Variants in TRABD2B observed in about 807,000 individuals in gnomAD.
TRABD2B encodes the protein metalloprotease TIKI2.
In TRABD2B, 14 loss-of-function variants were observed where a neutral mutation model predicts 40.1. The ratio of observed to expected loss-of-function variants is 0.35; its 90% CI spans 0.23 to 0.55. The LOEUF (loss-of-function observed/expected upper bound fraction) is 0.55. Among genes scored for constraint, TRABD2B ranks in the 20% least tolerant of loss-of-function variants. TRABD2B has a pLI of 0.90. For missense variants in TRABD2B, 541 were observed against 648.6 expected, an observed-to-expected ratio of 0.83 and a Z score of 1.80; for synonymous variants, 263 against 277.0, an observed-to-expected ratio of 0.95 and a Z score of 0.50.
At chr1:47,956,292 G>C (rs931387649) in intron 2 of TRABD2B, among the ~76,000 whole-genome samples, 2 of 152,202 alleles carry the variant, frequency 1.3e-5, no homozygotes, top group Non-Finnish European at 2.9e-5. Flanking sequence ...CCCAGGGTGA[G>C]TGACGCAGAA....
chr1:47,777,346 G>A (rs1235157793), intron 5 of TRABD2B, among the ~76,000 whole-genome samples: 1 of 152,212 alleles, frequency 6.6e-6, no homozygotes, highest in Non-Finnish European at 1.5e-5. Context: ...GGCCCAAACG[G>A]TTCAGGTAGG....
chr1:47,869,114 C>T (rs1368222715), intron 2 of TRABD2B, among the ~76,000 whole-genome samples: 1 of 152,116 alleles, frequency 6.6e-6, no homozygotes, highest in Admixed American at 6.5e-5. Flanking sequence ...ATAAGAATTC[C>T]ATGTCATGGA....
intron 2 of TRABD2B, among the ~76,000 whole-genome samples, chr1:47,822,191 G>A (rs1645120769): frequency 6.6e-6 from 1 of 151,320 alleles, no homozygotes; most frequent in African/African-American, 2.4e-5. Context: ...CTCCTCCAGT[G>A]GAGATTCAGC....
chr1:47,951,862 G>T (rs527343757), intron 2 of TRABD2B, among the ~76,000 whole-genome samples: 1 of 152,124 alleles, frequency 6.6e-6, no homozygotes, highest in Admixed American at 6.5e-5. Context: ...GATGTGCCCC[G>T]CTCAATGTCA....
intron 2 of TRABD2B, among the ~76,000 whole-genome samples, chr1:47,980,093 T>C (rs1037376382): frequency 6.6e-6 from 1 of 152,214 alleles, no homozygotes; most frequent in Admixed American, 6.5e-5. Context: ...GCCTCCATCA[T>C]GTGACCCCTA....
At chr1:47,776,881 G>A (rs959685000) in intron 5 of TRABD2B, among the ~76,000 whole-genome samples, 3 of 152,190 alleles carry the variant, frequency 2.0e-5, no homozygotes, top group Admixed American at 6.5e-5. Flanking sequence ...TGGAGATGCC[G>A]CAGCTGCTGG....
At chr1:47,853,441 GTGGTGGTCACTGAACT>G (rs2124528772) in intron 2 of TRABD2B, among the ~76,000 whole-genome samples, 1 of 152,290 alleles carries the variant, frequency 6.6e-6, no homozygotes, top group South Asian at 2.1e-4. Flanking sequence ...TCTCCACAGG[GTGGTGGTCACTGAACT>G]TGGAGGCTGA....
chr1:47,982,088 A>G (rs926466657), intron 2 of TRABD2B, among the ~76,000 whole-genome samples: 1 of 152,180 alleles, frequency 6.6e-6, no homozygotes, highest in Non-Finnish European at 1.5e-5. Context: ...GTCAGACATT[A>G]CACACTGCAG....
intron 3 of TRABD2B, among the ~76,000 whole-genome samples, chr1:47,800,683 CA>C (rs1279327258): frequency 2.0e-5 from 3 of 152,330 alleles, no homozygotes; most frequent in East Asian, 1.9e-4. Context: ...AGAGGAGGCA[CA>C]AGGCCCTAGA....
At position 47,996,646 on chromosome 1, in the gene TRABD2B, A is replaced by AC. The variant is rs1646096515; in HGVS notation, c.102+41dup. The AC allele has an allele frequency of 1.1e-5, 13 of 1,224,220 alleles. No individual in the cohort carries two copies. The highest frequency in any genetic ancestry group is 1.2e-5 in the Non-Finnish European group (12 of 982,034). 75.8% of individuals were successfully genotyped at this position (1,224,220 alleles called of 1,614,324 possible). ...AACCATGGTCCCACGGGACTAGAAT[A>AC]CCCAGGCAGGCGGGAGAGTGGCCGG... is the stretch of plus-strand genomic sequence containing the variant. On this transcript the variant is annotated intron_variant, in intron 1 of 6. Coordinates refer to ENST00000606738, the MANE Select transcript of TRABD2B (RefSeq NM_001194986.2). This position sits in a 1 kb window ranked among gnomAD's most constrained non-coding sequence, Gnocchi z 4.6.
At chr1:47,859,891 G>A (rs1021389124) in intron 2 of TRABD2B, among the ~76,000 whole-genome samples, 2 of 152,154 alleles carry the variant, frequency 1.3e-5, no homozygotes, top group Non-Finnish European at 2.9e-5. Flanking sequence ...TCAGATTCAT[G>A]AGCTCACTTA....
chr1:47,804,178 C>T (rs1370581006), intron 2 of TRABD2B, among the ~76,000 whole-genome samples: 4 of 152,232 alleles, frequency 2.6e-5, no homozygotes, highest in East Asian at 1.9e-4. Flanking sequence ...CCCCACCACC[C>T]CCTACCCAAA....
intron 2 of TRABD2B, among the ~76,000 whole-genome samples, chr1:47,935,085 C>T (rs867387357): frequency 3.9e-5 from 6 of 152,180 alleles, no homozygotes; most frequent in East Asian, 1.9e-4. Context: ...GCCTCCCACC[C>T]GCAGGTAGAC....
intron 2 of TRABD2B, among the ~76,000 whole-genome samples, chr1:47,947,929 C>A (rs1256996548): frequency 1.3e-5 from 2 of 152,178 alleles, no homozygotes; most frequent in Non-Finnish European, 2.9e-5. Context: ...GATTCCTAGT[C>A]CAGTACTCCT....
In TRABD2B at chr1:47,996,811, C is replaced by A; in HGVS notation, c.-22G>T. ...GCATCCTGCCAGGGCCCGCGGGGCG[C>A]GGGGGACCCTCCTGGGCGGCGCCCC... is the stretch of plus-strand genomic sequence containing the variant. On this transcript the variant is annotated 5_prime_UTR_variant, in exon 1 of 7. Transcript: ENST00000606738. The surrounding 1 kb of genome is among the most constrained non-coding windows in gnomAD (Gnocchi z 4.6). The A allele has an allele frequency of 8.4e-7, 1 of 1,183,722 alleles. No homozygotes were observed. Among genetic ancestry groups the A allele is most frequent in the Non-Finnish European group, 1.0e-6 (1 of 956,960 alleles). 73.3% of individuals were successfully genotyped at this position (1,183,722 alleles called of 1,614,324 possible). A position where few individuals can be genotyped will look rare whatever the true frequency, so the allele number is the denominator to read the frequency against.
intron 2 of TRABD2B, among the ~76,000 whole-genome samples, chr1:47,865,829 C>T (rs1644048071): frequency 6.6e-6 from 1 of 152,044 alleles, no homozygotes; most frequent in South Asian, 2.1e-4. Flanking sequence ...CAGACACTTC[C>T]AGGAGGCAGA....
At chr1:47,781,805 G>A (rs1043149830) in intron 4 of TRABD2B, among the ~76,000 whole-genome samples, 7 of 152,074 alleles carry the variant, frequency 4.6e-5, no homozygotes, top group East Asian at 1.9e-4. Context: ...CTGCGCTCCC[G>A]AGCCCATGTT....
At chr1:47,977,089 G>A (rs775909560) in intron 2 of TRABD2B, among the ~76,000 whole-genome samples, 6 of 137,086 alleles carry the variant, frequency 4.4e-5, no homozygotes, top group African/African-American at 1.1e-4. Context: ...TTTTTTTCCC[G>A]CGAGACAGAG....
At position 47,997,349 on chromosome 1, in the gene TRABD2B, C is replaced by A. The variant is rs1390362057; in HGVS notation, c.-560G>T. 1 of 318,764 alleles carries A rather than the reference C, an allele frequency of 3.1e-6. No homozygotes were observed. Among genetic ancestry groups the A allele is most frequent in the African/African-American group, 2.4e-5 (1 of 42,364 alleles). 19.7% of individuals were successfully genotyped at this position (318,764 alleles called of 1,614,324 possible). A position where few individuals can be genotyped will look rare whatever the true frequency, so the allele number is the denominator to read the frequency against. ...GGCCGCGCGGCCGCTGCCCGGGCTC[C>A]GCCATGCTGCTCCGCGGCCGGGAGG... is the stretch of plus-strand genomic sequence containing the variant. On this transcript the variant is annotated 5_prime_UTR_variant, in exon 1 of 7. Transcript: ENST00000606738.
Sources: gnomAD v4.1 joint callset for allele counts (sites outside exome capture counted in the v4.1 genomes callset) on GRCh38, gnomAD v4.1.1 for gene constraint, Gnocchi (gnomAD v3.1) non-coding constraint, MANE v1.5 for transcripts, NCBI Gene and HGNC (gene_info 2026-07-23, HGNC 2026-07-21) for gene names.